Variants in PLEKHG4B observed in about 807,000 individuals in gnomAD.
The protein encoded by PLEKHG4B is pleckstrin homology domain-containing family G member 4B.
A neutral mutation model predicts 121.3 loss-of-function variants in PLEKHG4B; 111 were observed. The observed-to-expected ratio is 0.92, with a 90% CI of 0.78 to 1.07. The LOEUF (loss-of-function observed/expected upper bound fraction) is 1.07. Ranked by LOEUF, PLEKHG4B falls within the 50% of genes least tolerant of loss-of-function variation. PLEKHG4B has a pLI of 0.00. For synonymous variants in PLEKHG4B, 738 were observed against 725.0 expected (o/e 1.02, Z -0.29); for missense variants, 1,831 against 1,757.8 (o/e 1.04, Z -0.74).
chr5:142,077 C>T (rs1006916337), intron 3 of PLEKHG4B, among the ~76,000 whole-genome samples: 2 of 152,170 alleles, frequency 1.3e-5, no homozygotes, highest in East Asian at 1.9e-4. Flanking sequence ...CGGAGAGTGC[C>T]GCACACACAC....
chr5:155,339 C>G lies in PLEKHG4B; in HGVS notation c.2110-6C>G. The G allele has an allele frequency of 6.2e-7, 1 of 1,612,438 alleles. No individual in the cohort carries two copies. Among genetic ancestry groups the G allele is most frequent in the Non-Finnish European group, 8.5e-7 (1 of 1,178,414 alleles). ...TTATAATCTCCTCCCTCTCAACTCACAACAGAGGCTGGAACACTTCGCTGC... is the reference window on the plus strand; with the variant it reads ...TTATAATCTCCTCCCTCTCAACTCAGAACAGAGGCTGGAACACTTCGCTGC... On this transcript the variant is annotated splice_region_variant and splice_polypyrimidine_tract_variant and intron_variant, in intron 8 of 19. Coordinates refer to ENST00000637938, the MANE Select transcript of PLEKHG4B (RefSeq NM_052909.5).
chr5:136,146 T>TAA (rs1030729021), intron 2 of PLEKHG4B, among the ~76,000 whole-genome samples: 1 of 152,170 alleles, frequency 6.6e-6, no homozygotes, highest in African/African-American at 2.4e-5. Context: ...GACCCTTACC[T>TAA]AAACCCCATT....
At chr5:181,829 G>A (rs1420128260) in intron 19 of PLEKHG4B, among the ~76,000 whole-genome samples, 154 bp downstream of exon 19, 1 of 152,176 alleles carries the variant, frequency 6.6e-6, no homozygotes, top group Non-Finnish European at 1.5e-5. Context: ...CCTCGGCCCC[G>A]CCCTCACTCA....
At chr5:114,096 C>T (rs1396607886) in intron 2 of PLEKHG4B, among the ~76,000 whole-genome samples, 2 of 152,178 alleles carry the variant, frequency 1.3e-5, no homozygotes, top group Non-Finnish European at 2.9e-5. Flanking sequence ...ATCAAAAATG[C>T]TAATGATTAT....
intron 6 of PLEKHG4B, among the ~76,000 whole-genome samples, chr5:150,100 C>G (rs1735556564): frequency 6.6e-6 from 1 of 152,214 alleles, no homozygotes; most frequent in Non-Finnish European, 1.5e-5. Flanking sequence ...AGCTAAAACA[C>G]AGAAGCAACC....
chr5:157,122 A>G lies in PLEKHG4B; in HGVS notation c.2487+211A>G. ...TGAGAGATACTGGATCAGTGGAGAA[A>G]AAAAATTTGTTTAATCCAGAGGAGG... On this transcript the variant is annotated intron_variant, in intron 11 of 19. Coordinates refer to ENST00000637938, the MANE Select transcript of PLEKHG4B (RefSeq NM_052909.5). This position sits in a 1 kb window ranked among gnomAD's most constrained non-coding sequence, Gnocchi z 4.6. 2 of 725,940 alleles carry G rather than the reference A, an allele frequency of 2.8e-6. No individual in the cohort carries two copies. The highest frequency in any genetic ancestry group is 4.4e-6 in the Non-Finnish European group (2 of 452,192). 45.0% of individuals were successfully genotyped at this position (725,940 alleles called of 1,614,324 possible). A position where few individuals can be genotyped will look rare whatever the true frequency, so the allele number is the denominator to read the frequency against.
At chr5:153,439 A>G (rs551065655) in intron 7 of PLEKHG4B, among the ~76,000 whole-genome samples, 3 of 152,268 alleles carry the variant, frequency 2.0e-5, no homozygotes, top group Admixed American at 6.5e-5. Flanking sequence ...TTAGACTCCA[A>G]CCGGCAGCTC....
chr5:164,707 GACGGGGCGGAGCTCACACTAATACTC>G, intron 13 of PLEKHG4B, among the ~76,000 whole-genome samples: 1 of 82,640 alleles, frequency 1.2e-5, no homozygotes, highest in Non-Finnish European at 2.5e-5. Context: ...CTAATGCTCT[GACGGGGCGGAGCTCACACTAATACTC>G]TGACGGGGCG....
In PLEKHG4B at chr5:184,039, A is replaced by T. The variant is rs1016044352; in HGVS notation, c.*1716A>T. The T allele has an allele frequency of 2.0e-5, 3 of 149,628 alleles. No individual in the cohort carries two copies. Among genetic ancestry groups the T allele is most frequent in the Non-Finnish European group, 4.4e-5 (3 of 67,510 alleles). 9.3% of individuals were successfully genotyped at this position (149,628 alleles called of 1,614,324 possible). A position where few individuals can be genotyped will look rare whatever the true frequency, so the allele number is the denominator to read the frequency against. ...TAGATAGATAGATAGACTGACAGACAGATGAGAGGGGCCTTAGGGGCATTG... is the reference window on the plus strand; with the variant it reads ...TAGATAGATAGATAGACTGACAGACTGATGAGAGGGGCCTTAGGGGCATTG... On this transcript the variant is annotated 3_prime_UTR_variant, in exon 20 of 20. Transcript: ENST00000637938.
At chr5:121,292 C>G (rs963116868) in intron 2 of PLEKHG4B, among the ~76,000 whole-genome samples, 3 of 150,584 alleles carry the variant, frequency 2.0e-5, no homozygotes, top group African/African-American at 7.4e-5. Flanking sequence ...CTAAAAAATA[C>G]AAGATCTGTA....
In PLEKHG4B at chr5:120,346, A is replaced by G. The variant is rs1579254239; in HGVS notation, c.243+6898A>G. Among the ~76,000 whole-genome samples, 4 of 152,186 alleles carry G rather than the reference A, an allele frequency of 2.6e-5. No homozygotes were observed. The East Asian group carries it at 7.7e-4, about 29-fold the overall frequency. On this transcript the variant is annotated intron_variant, in intron 2 of 19. Coordinates refer to ENST00000637938, the MANE Select transcript of PLEKHG4B (RefSeq NM_052909.5). Reference sequence around the variant, plus strand: ...AAATCTCATCGTCTAACAGTCTTAAAATTTCAGTCCCACGGTTTCAACATC... The same window carrying G: ...AAATCTCATCGTCTAACAGTCTTAAGATTTCAGTCCCACGGTTTCAACATC...
intron 2 of PLEKHG4B, among the ~76,000 whole-genome samples, chr5:135,676 AAAAAAAATATATATATATATATAT>A (rs1361237621): frequency 9.4e-5 from 6 of 64,116 alleles, no homozygotes; most frequent in Non-Finnish European, 1.8e-4. Context: ...AAAAAAAAAA[AAAAAAAATATATATATATATATAT>A]ATATATATAT....
intron 2 of PLEKHG4B, among the ~76,000 whole-genome samples, chr5:132,098 A>G: frequency 6.6e-6 from 1 of 152,214 alleles, no homozygotes; most frequent in East Asian, 1.9e-4. Context: ...CTCTGATACC[A>G]GGAACAAGAC....
At chr5:173,393 A>G (rs892783008) in intron 17 of PLEKHG4B, among the ~76,000 whole-genome samples, 1 of 151,850 alleles carries the variant, frequency 6.6e-6, no homozygotes, top group African/African-American at 2.4e-5. Flanking sequence ...TCGGAGGTGC[A>G]CAGGGAGGGC....
At chr5:165,239 C>G (rs1277016155) in intron 13 of PLEKHG4B, among the ~76,000 whole-genome samples, 4 of 31,294 alleles carry the variant, frequency 1.3e-4, no homozygotes, top group Admixed American at 8.4e-4. Context: ...GGAGCTCACA[C>G]TAATGCTCTG....
At position 159,705 on chromosome 5, in the gene PLEKHG4B, T is replaced by C. The variant is rs892355991; in HGVS notation, c.2488-2078T>C. On this transcript the variant is annotated intron_variant, in intron 11 of 19. Transcript: ENST00000637938. This position sits in a 1 kb window ranked among gnomAD's most constrained non-coding sequence, Gnocchi z 5.5. ...CCACGCATCTTTAGCATTTTCTCCC[T>C]GGCGGTCTGATTCTTTTCCTCTAAT... Among the ~76,000 whole-genome samples the C allele has an allele frequency of 2.6e-5, 4 of 152,298 alleles. No individual in the cohort carries two copies. The highest frequency in any genetic ancestry group is 6.5e-5 in the Admixed American group (1 of 15,306).
At chr5:100,915 GCC>G (rs1733786750) in intron 1 of PLEKHG4B, among the ~76,000 whole-genome samples, 3 of 103,778 alleles carry the variant, frequency 2.9e-5, no homozygotes, top group Admixed American at 9.0e-5. Flanking sequence ...TCCATATAAA[GCC>G]CTGGAAAAAG....
chr5:144,798 G>A (rs1053745297), intron 5 of PLEKHG4B, 29 bp from the exon 6 acceptor site: 4 of 1,591,724 alleles, frequency 2.5e-6, no homozygotes, highest in African/African-American at 2.7e-5. Flanking sequence ...ACCTTCAGTG[G>A]TTAAGATGGG....
At chr5:169,680 G>A (rs1736477904) in intron 14 of PLEKHG4B, 88 bp downstream of exon 14, 3 of 1,555,580 alleles carry the variant, frequency 1.9e-6, no homozygotes, top group South Asian at 2.4e-5. Context: ...CCACGTGTCA[G>A]GCGGTTGGAA....
Sources: gnomAD v4.1 joint callset for allele counts (sites outside exome capture counted in the v4.1 genomes callset) on GRCh38, gnomAD v4.1.1 for gene constraint, Gnocchi (gnomAD v3.1) non-coding constraint, MANE v1.5 for transcripts, NCBI Gene and HGNC (gene_info 2026-07-23, HGNC 2026-07-21) for gene names.